Variants in SOX5 observed in about 807,000 individuals in gnomAD.
SOX5 encodes SRY-box transcription factor 5, also known as transcription factor SOX-5.
In SOX5, 9 loss-of-function variants were observed where a neutral mutation model predicts 92.0. The observed-to-expected ratio is 0.10, with a 90% confidence interval of 0.06 to 0.17. SOX5 has a LOEUF of 0.17. Ranked by LOEUF, SOX5 falls within the 10% of genes least tolerant of loss-of-function variation. The pLI is 1.00. For synonymous variants in SOX5, 344 were observed against 336.3 expected, an observed-to-expected ratio of 1.02 and a Z score of -0.25; for missense variants, 642 against 944.5, an observed-to-expected ratio of 0.68 and a Z score of 4.20.
chr12:24,358,972 T>A (rs494501), intron 2 of SOX5, among the ~76,000 whole-genome samples: 71,641 of 151,974 alleles, frequency 0.47, 17,679 homozygotes, highest in East Asian at 0.79. Flanking sequence ...TCCCCACTTC[T>A]CAGATAAAGA....
chr12:23,857,745 T>C (rs565454482), intron 2 of SOX5, among the ~76,000 whole-genome samples: 2 of 151,822 alleles, frequency 1.3e-5, no homozygotes, highest in Admixed American at 1.3e-4. Flanking sequence ...CTTTTTTTTT[T>C]TTTTTGAGGT....
intron 4 of SOX5, among the ~76,000 whole-genome samples, chr12:24,005,123 G>A (rs910872840): frequency 6.6e-6 from 1 of 151,782 alleles, no homozygotes; most frequent in African/African-American, 2.4e-5. Flanking sequence ...TTTTGAGGAT[G>A]ATGGAAATGT....
chr12:24,391,393 T>C (rs1235093352), intron 1 of SOX5, among the ~76,000 whole-genome samples: 3 of 152,180 alleles, frequency 2.0e-5, no homozygotes, highest in Non-Finnish European at 4.4e-5. Context: ...AAAGTACATG[T>C]ATAGGTACAT....
At chr12:23,627,806 T>C (rs967555640) in intron 8 of SOX5, among the ~76,000 whole-genome samples, 2 of 151,942 alleles carry the variant, frequency 1.3e-5, no homozygotes, top group Admixed American at 6.6e-5. Context: ...TGTAAATGTT[T>C]AAATAAAATT....
intron 9 of SOX5, chr12:23,584,593 C>A (rs1403625546): frequency 6.2e-7 from 1 of 1,608,340 alleles, no homozygotes; most frequent in Non-Finnish European, 8.5e-7. Flanking sequence ...GTCTGGTGAA[C>A]CCACTATAAC....
At chr12:24,355,294 T>TAA (rs1427254196) in intron 2 of SOX5, among the ~76,000 whole-genome samples, 13 of 17,202 alleles carry the variant, frequency 7.6e-4, no homozygotes, top group Non-Finnish European at 1.4e-3. Flanking sequence ...TTTTTTTTTT[T>TAA]TTTTTTTTTT....
chr12:23,899,706 T>C (rs1385436585), intron 1 of SOX5, among the ~76,000 whole-genome samples: 1 of 152,206 alleles, frequency 6.6e-6, no homozygotes, highest in Non-Finnish European at 1.5e-5. Flanking sequence ...CAAAAAACTT[T>C]CTTGAAAGAA....
chr12:24,251,906 T>C (rs1020044631), intron 3 of SOX5, among the ~76,000 whole-genome samples: 6 of 151,724 alleles, frequency 4.0e-5, no homozygotes, highest in African/African-American at 1.5e-4. Context: ...AGACAGTATA[T>C]TTTATCACAG....
At chr12:24,449,055 T>C (rs947033458) in intron 1 of SOX5, among the ~76,000 whole-genome samples, 11 of 152,136 alleles carry the variant, frequency 7.2e-5, no homozygotes, top group Non-Finnish European at 1.2e-4. Context: ...CCATCACAAC[T>C]ACCACCCCAA....
intron 1 of SOX5, among the ~76,000 whole-genome samples, chr12:24,451,028 T>C (rs2137326316): frequency 6.6e-6 from 1 of 152,256 alleles, no homozygotes; most frequent in South Asian, 2.1e-4. Context: ...CCCCCACAAA[T>C]AATTGAGAAT....
chr12:24,062,625 G>A lies in SOX5; in HGVS notation c.-2+150718C>T, dbSNP rs886083683. On this transcript the variant is annotated intron_variant, in intron 4 of 4. Transcript: ENST00000446891. ...GGCCTCCTGACAGCTTTGTAAAGAC[G>A]TGGTCCTGAAGTGTTAGAGCTTGCC... Among the ~76,000 whole-genome samples the A allele has an allele frequency of 3.9e-5, 6 of 152,332 alleles. No individual in the cohort carries two copies. In the South Asian group the frequency reaches 8.3e-4, roughly 21 times the overall value.
intron 10 of SOX5, among the ~76,000 whole-genome samples, chr12:23,569,320 C>G (rs1222832702): frequency 5.9e-5 from 9 of 152,088 alleles, no homozygotes; most frequent in Non-Finnish European, 1.3e-4. Context: ...AAAATAATGA[C>G]CTGTAATAGC....
chr12:23,996,621 T>C (rs1438934444), intron 4 of SOX5, among the ~76,000 whole-genome samples: 10 of 152,194 alleles, frequency 6.6e-5, no homozygotes, highest in African/African-American at 2.4e-4. Context: ...GAATATTACT[T>C]TGCCATGAAA....
At chr12:24,051,488 A>G (rs76862317) in intron 4 of SOX5, among the ~76,000 whole-genome samples, 1,644 of 152,328 alleles carry the variant, frequency 0.011, 9 homozygotes, top group Non-Finnish European at 0.018. Context: ...AAATTAAAGA[A>G]TAATACACCA....
chr12:24,538,468 T>G, intron 1 of SOX5, among the ~76,000 whole-genome samples: 1 of 152,072 alleles, frequency 6.6e-6, no homozygotes, highest in South Asian at 2.1e-4. Flanking sequence ...CCCTGAAGAT[T>G]TCAGTTCAAG....
intron 1 of SOX5, among the ~76,000 whole-genome samples, chr12:23,928,333 C>T (rs2139101218): frequency 6.6e-6 from 1 of 152,114 alleles, no homozygotes; most frequent in Middle Eastern, 3.4e-3. Context: ...CTTAATGTTG[C>T]TCAGTACTCG....
intron 10 of SOX5, among the ~76,000 whole-genome samples, chr12:23,575,356 A>G (rs1288179217): frequency 6.6e-6 from 1 of 152,240 alleles, no homozygotes; most frequent in Non-Finnish European, 1.5e-5. Flanking sequence ...TCACCTAACA[A>G]TAACATTCTG....
chr12:24,474,454 G>C (rs1325820199), intron 1 of SOX5, among the ~76,000 whole-genome samples: 2 of 152,128 alleles, frequency 1.3e-5, no homozygotes, highest in African/African-American at 4.8e-5. Context: ...TCTATCATGG[G>C]GAAATTTTGT....
intron 4 of SOX5, among the ~76,000 whole-genome samples, chr12:24,119,275 T>C (rs1948386777): frequency 6.6e-6 from 1 of 152,090 alleles, no homozygotes; most frequent in African/African-American, 2.4e-5. Flanking sequence ...GAACAAAACA[T>C]TGAGTAGAAT....
Sources: gnomAD v4.1 joint callset for allele counts (sites outside exome capture counted in the v4.1 genomes callset) on GRCh38, gnomAD v4.1.1 for gene constraint, MANE v1.5 for transcripts, NCBI Gene and HGNC (gene_info 2026-07-23, HGNC 2026-07-21) for gene names.